ATAD2: variants seen among roughly 807,000 people sequenced by gnomAD.
ATAD2 encodes ATPase family AAA domain containing 2.
In ATAD2, 62 loss-of-function variants were observed where a neutral mutation model predicts 168.9. The observed-to-expected ratio is 0.37, with a 90% CI of 0.30 to 0.45. The LOEUF (loss-of-function observed/expected upper bound fraction) is 0.45, where lower values mean the gene tolerates loss of function less well. ATAD2 is among the 20% of genes least tolerant of loss of function. The pLI is 1.00. For missense variants in ATAD2, 1,419 were observed against 1,667.8 expected (o/e 0.85, Z 2.60); for synonymous variants, 613 against 571.6 (o/e 1.07, Z -1.03).
intron 1 of ATAD2, among the ~76,000 whole-genome samples, chr8:123,407,520 T>A (rs1813083496): frequency 6.6e-6 from 1 of 151,568 alleles, no homozygotes; most frequent in South Asian, 2.1e-4. Flanking sequence ...GGTCAGGAGT[T>A]CAAGTCCAGC....
intron 8 of ATAD2, among the ~76,000 whole-genome samples, chr8:123,366,882 G>T (rs563336304): frequency 6.7e-6 from 1 of 149,960 alleles, no homozygotes; most frequent in African/African-American, 2.5e-5. Context: ...AAAAACCTAC[G>T]GAAATAAAAA....
At chr8:123,389,069 C>T (rs1197828599) in intron 1 of ATAD2, among the ~76,000 whole-genome samples, 1 of 151,250 alleles carries the variant, frequency 6.6e-6, no homozygotes, top group African/African-American at 2.4e-5. Context: ...TGGGTTCACG[C>T]CATTCTCCTG....
chr8:123,379,187 C>T (rs4268112), intron 2 of ATAD2, among the ~76,000 whole-genome samples: 1 of 152,130 alleles, frequency 6.6e-6, no homozygotes, highest in Admixed American at 6.6e-5. Flanking sequence ...TTTAGCCAAA[C>T]TACCTAATCC....
At chr8:123,393,403 T>G (rs1005039865) in intron 1 of ATAD2, among the ~76,000 whole-genome samples, 1 of 151,466 alleles carries the variant, frequency 6.6e-6, no homozygotes, top group Non-Finnish European at 1.5e-5. Context: ...TCCAGCTACT[T>G]AGAAGGCTGA....
At chr8:123,368,865 A>G (rs1295795689) in intron 8 of ATAD2, among the ~76,000 whole-genome samples, 193 bp downstream of exon 8, 1 of 152,180 alleles carries the variant, frequency 6.6e-6, no homozygotes, top group Non-Finnish European at 1.5e-5. Context: ...AACACCTCCT[A>G]TTAGTGGAAG....
intron 1 of ATAD2, chr8:123,401,835 G>A: frequency 1.3e-6 from 1 of 759,418 alleles, no homozygotes; most frequent in Non-Finnish European, 2.4e-6. Flanking sequence ...GAGAAGAGCA[G>A]CAGCAGCCAG....
At chr8:123,382,788 G>A (rs1015908541) in intron 1 of ATAD2, among the ~76,000 whole-genome samples, 3 of 152,150 alleles carry the variant, frequency 2.0e-5, no homozygotes, top group Non-Finnish European at 2.9e-5. Flanking sequence ...ACAGTGTGGC[G>A]ATTCCTCAAG....
At chr8:123,401,732 C>G (rs78966783) in intron 1 of ATAD2, 7,771 of 747,518 alleles carry the variant, frequency 0.01, 76 homozygotes, top group Middle Eastern at 0.014. Flanking sequence ...GATGGGCTCC[C>G]TGCTGGCTGC....
intron 1 of ATAD2, among the ~76,000 whole-genome samples, chr8:123,385,022 T>G (rs1442963456): frequency 6.6e-6 from 1 of 152,226 alleles, no homozygotes; most frequent in African/African-American, 2.4e-5. Context: ...GTTTATATTT[T>G]AATTGTATAT....
Position 123,349,389 on chromosome 8 carries a change from T to C in ATAD2, c.1702A>G (p.Ile568Val), listed in dbSNP as rs146788776. The change falls in exon 14 of 28, where the codon ATT (isoleucine) becomes GTT (valine). Residue 568 changes from isoleucine (I) to valine (V), a missense_variant. Around this residue, in one of 5 missense-constraint regions of ATAD2, gnomAD observed 545 missense variants for 724.9 expected, o/e 0.75. Transcript: ENST00000287394. ...LMDGLDSRGEIVVIGATNRLD... is the reference protein window; with the variant it reads ...LMDGLDSRGEVVVIGATNRLD... ...CTGTTCGTAGCACCAATGACCACAATTTCCCCTCTGCTGTCCAATCCATCC... is the reference window on the plus strand; with the variant it reads ...CTGTTCGTAGCACCAATGACCACAACTTCCCCTCTGCTGTCCAATCCATCC... 7 of 1,614,050 alleles carry C rather than the reference T, an allele frequency of 4.3e-6. No homozygotes were observed. Among genetic ancestry groups the C allele is most frequent in the Non-Finnish European group, 5.9e-6 (7 of 1,179,988 alleles).
rs1321859196 is a variant in ATAD2 at position 123,328,437 on chromosome 8, G to C, written c.3621C>G (p.Asp1207Glu). 6.2e-7 allele frequency: 1 copy of C among 1,609,108 alleles called. No individual in the cohort carries two copies. The highest frequency in any genetic ancestry group is 2.2e-5 in the East Asian group (1 of 44,602). ...KIESDTEETQ[D>E]TSVDHNETGN... ...CGGTCTCATTATGATCTACACTTGT[G>C]TCTTGAGTTTCCTCTGTATCACTCT... Residue 1207 changes from aspartate (D) to glutamate (E), a missense_variant, in exon 25 of 28, where the codon GAC becomes GAG. Asp to Glu is a conservative substitution (Grantham distance 45, BLOSUM62 2). Around this residue, in one of 5 missense-constraint regions of ATAD2, gnomAD observed 303 missense variants for 304.3 expected, o/e 1.00. Transcript: ENST00000287394.
At chr8:123,357,876 C>T in intron 11 of ATAD2, 140 bp from the exon 12 acceptor site, 2 of 791,068 alleles carry the variant, frequency 2.5e-6, no homozygotes, top group Middle Eastern at 3.0e-4. Flanking sequence ...CAGTTTCGCA[C>T]CACAAAGCAC....
At chr8:123,400,635 G>C (rs548543048), upstream of ATAD2, 3 of 659,468 alleles carry the variant, frequency 4.5e-6, no homozygotes, top group Non-Finnish European at 8.4e-6. This position sits in a 1 kb window ranked among gnomAD's most constrained non-coding sequence, Gnocchi z 4.5. Context: ...GGCTCACCAC[G>C]CAGCAGCTCT....
upstream of ATAD2, chr8:123,400,877 C>A: frequency 2.1e-6 from 3 of 1,426,250 alleles, no homozygotes; most frequent in Non-Finnish European, 2.0e-6. This position sits in a 1 kb window ranked among gnomAD's most constrained non-coding sequence, Gnocchi z 4.5. Context: ...GAGTTCCAGG[C>A]CAAGGAGGTG....
At chr8:123,396,497 C>T, upstream of ATAD2, 2 of 842,016 alleles carry the variant, frequency 2.4e-6, no homozygotes, top group Non-Finnish European at 3.6e-6. Flanking sequence ...CCCAGAATCC[C>T]TCCGCCGTCT....
At chr8:123,385,065 T>A (rs908285592) in intron 1 of ATAD2, among the ~76,000 whole-genome samples, 27 of 152,236 alleles carry the variant, frequency 1.8e-4, no homozygotes, top group African/African-American at 5.3e-4. Context: ...AATATTTTTA[T>A]TTAGGTACCT....
chr8:123,349,318 A>G lies in ATAD2; in HGVS notation c.1773T>C (p.Asp591=). 2 of 1,613,980 alleles carry G rather than the reference A, an allele frequency of 1.2e-6. No homozygotes were observed. The part of the protein sequence containing the change: ...DPALRRPGRF[D]REFLFSLPDK... ...CAGGCAGGCTAAAGAGGAATTCTCTATCAAAGCGACCAGGCCTTCGTAAAG... is the reference window on the plus strand; with the variant it reads ...CAGGCAGGCTAAAGAGGAATTCTCTGTCAAAGCGACCAGGCCTTCGTAAAG... Residue 591 remains aspartate, a synonymous_variant, in exon 14 of 28, where the codon GAT becomes GAC. Transcript: ENST00000287394.
At position 123,354,320 on chromosome 8, in the gene ATAD2, T is replaced by TA. The variant is rs34001146; in HGVS notation, c.1646+2068dup. 2.0e-5 allele frequency among the ~76,000 whole-genome samples: 3 copies of TA among 152,348 alleles called. No individual in the cohort carries two copies. The South Asian group carries it at 6.2e-4, about 32-fold the overall frequency. On this transcript the variant is annotated intron_variant, in intron 13 of 27. Transcript: ENST00000287394. ...CTTCAACATGCAATGTGCTAAATTC[T>TA]AAAAAAGCTTAATTTAACATACATT...
intron 2 of ATAD2, among the ~76,000 whole-genome samples, chr8:123,379,054 T>A (rs184253089): frequency 0.011 from 1,670 of 152,210 alleles, 18 homozygotes; most frequent in Non-Finnish European, 0.017. Flanking sequence ...TGCCTTGGCC[T>A]CCCAAAGTGG....
Sources: allele counts gnomAD v4.1 joint callset (sites outside exome capture counted in the v4.1 genomes callset), GRCh38; gene constraint gnomAD v4.1.1; regional missense constraint gnomAD v4.1.1; non-coding constraint Gnocchi (gnomAD v3.1); transcripts MANE v1.5; gene names NCBI Gene and HGNC (gene_info 2026-07-23, HGNC 2026-07-21).